TDP1: variants seen among roughly 807,000 people sequenced by gnomAD.
The protein encoded by TDP1 is tyr-DNA phosphodiesterase 1.
A neutral mutation model predicts 81.5 loss-of-function variants in TDP1; 64 were observed. The ratio of observed to expected loss-of-function variants is 0.79; its 90% CI spans 0.64 to 0.97. The LOEUF (loss-of-function observed/expected upper bound fraction) is 0.97, where lower values mean the gene tolerates loss of function less well. Among genes scored for constraint, TDP1 ranks in the 50% least tolerant of loss-of-function variants. The pLI, the probability that TDP1 is intolerant of heterozygous loss-of-function variation, is 0.00. For missense variants in TDP1, 723 were observed against 743.8 expected, an observed-to-expected ratio of 0.97 and a Z score of 0.33; for synonymous variants, 256 against 264.3, an observed-to-expected ratio of 0.97 and a Z score of 0.30.
intron 14 of TDP1, among the ~76,000 whole-genome samples, chr14:90,012,608 G>A (rs188517482): frequency 2.0e-4 from 31 of 152,136 alleles, no homozygotes; most frequent in African/African-American, 7.0e-4. Context: ...CTTCAGAGGT[G>A]TGCTGCAGGG....
At chr14:89,988,833 GTT>G in intron 10 of TDP1, 70 bp from the exon 11 acceptor site, 2 of 1,601,292 alleles carry the variant, frequency 1.2e-6, no homozygotes, top group Non-Finnish European at 1.7e-6. Flanking sequence ...GCAGAAAACT[GTT>G]TTCAAATATT....
In TDP1 at chr14:90,029,718, C is replaced by T. The variant is rs544691949; in HGVS notation, c.1645-3388C>T. On this transcript the variant is annotated intron_variant, in intron 15 of 16. Coordinates refer to ENST00000335725, the MANE Select transcript of TDP1 (RefSeq NM_018319.4). ...TTCACTATGTTGATCAGGCTGGTCT[C>T]GAACTCCTGACCTCAGGTGATCCAC... Among the ~76,000 whole-genome samples, 3 of 152,122 alleles carry T rather than the reference C, an allele frequency of 2.0e-5. No individual in the cohort carries two copies. The East Asian group carries it at 5.8e-4, about 29-fold the overall frequency.
At position 89,989,090 on chromosome 14, in the gene TDP1, G is replaced by T. The variant is rs138711165; in HGVS notation, c.1317G>T (p.Leu439Phe). 1.0e-4 allele frequency: 165 copies of T among 1,613,442 alleles called. No individual in the cohort carries two copies. The highest frequency in any genetic ancestry group is 6.4e-4 in the African/African-American group (48 of 75,010). The change falls in exon 11 of 17, where the codon TTG becomes TTT. Residue 439 changes from leucine (L) to phenylalanine (F), a missense_variant and splice_region_variant. Coordinates refer to ENST00000335725, the MANE Select transcript of TDP1 (RefSeq NM_018319.4). ...TPGKSSVPLYLIYPSVENVRT... is the reference protein window; with the variant it reads ...TPGKSSVPLYFIYPSVENVRT... ...GAAAAAGCTCTGTTCCTCTTTACTTGGTGAGTTCTCGTCCTCATTGAGGTA... is the reference window on the plus strand; with the variant it reads ...GAAAAAGCTCTGTTCCTCTTTACTTTGTGAGTTCTCGTCCTCATTGAGGTA...
chr14:90,017,288 C>T (rs1422983964), intron 14 of TDP1, among the ~76,000 whole-genome samples: 3 of 151,518 alleles, frequency 2.0e-5, no homozygotes, highest in African/African-American at 7.3e-5. Flanking sequence ...CCCCATCTTC[C>T]TGGCTGCCCC....
At chr14:89,977,577 C>T (rs1358053728) in intron 7 of TDP1, among the ~76,000 whole-genome samples, 5 of 152,210 alleles carry the variant, frequency 3.3e-5, no homozygotes, top group Non-Finnish European at 5.9e-5. Flanking sequence ...GGATTACAGG[C>T]GTGAGCCACC....
intron 14 of TDP1, among the ~76,000 whole-genome samples, chr14:90,003,298 C>G (rs1314970342): frequency 6.6e-6 from 1 of 152,158 alleles, no homozygotes; most frequent in East Asian, 1.9e-4. Context: ...GTACCGTCAG[C>G]CAGATTTATA....
At chr14:90,006,720 G>T (rs1350673653) in intron 14 of TDP1, among the ~76,000 whole-genome samples, 1 of 152,080 alleles carries the variant, frequency 6.6e-6, no homozygotes, top group East Asian at 1.9e-4. Context: ...TGTGTTTTTA[G>T]TAGAGATGGG....
At position 90,043,201 on chromosome 14, in the gene TDP1, T is replaced by C; in HGVS notation, c.*58T>C. The C allele has an allele frequency of 6.2e-7, 1 of 1,609,564 alleles. No individual in the cohort carries two copies. Among genetic ancestry groups the C allele is most frequent in the Non-Finnish European group, 8.5e-7 (1 of 1,176,358 alleles). ...GACATTGAGCCACAAACATGGAATC[T>C]CTTCTTTGTACTGGATGTCCACTTC... On this transcript the variant is annotated 3_prime_UTR_variant, in exon 17 of 17. Coordinates refer to ENST00000335725, the MANE Select transcript of TDP1 (RefSeq NM_018319.4).
intron 14 of TDP1, among the ~76,000 whole-genome samples, chr14:90,011,007 G>A (rs1279105367): frequency 6.6e-6 from 1 of 152,168 alleles, no homozygotes; most frequent in African/African-American, 2.4e-5. Flanking sequence ...CTGGTGGGAG[G>A]TAATTCAGTC....
chr14:90,012,519 G>A (rs1041304858), intron 14 of TDP1, among the ~76,000 whole-genome samples: 9 of 151,032 alleles, frequency 6.0e-5, no homozygotes, highest in African/African-American at 1.9e-4. Context: ...ACATCCAGGC[G>A]TTTCTATACA....
intron 10 of TDP1, among the ~76,000 whole-genome samples, chr14:89,985,653 A>G (rs530261265): frequency 6.6e-6 from 1 of 152,378 alleles, no homozygotes; most frequent in South Asian, 2.1e-4. Flanking sequence ...TGCTGCTGAT[A>G]TGAAAATGCA....
At chr14:89,964,025 C>T (rs1435568776) in intron 3 of TDP1, among the ~76,000 whole-genome samples, 2 of 152,180 alleles carry the variant, frequency 1.3e-5, no homozygotes, top group Non-Finnish European at 2.9e-5. Flanking sequence ...GGACCAGCAG[C>T]CTCAGCATCA....
At chr14:90,039,017 A>G (rs1043723336) in intron 16 of TDP1, among the ~76,000 whole-genome samples, 10 of 152,122 alleles carry the variant, frequency 6.6e-5, no homozygotes, top group African/African-American at 2.2e-4. Flanking sequence ...AAAGTAAACT[A>G]TGAGTTCAGC....
intron 14 of TDP1, among the ~76,000 whole-genome samples, chr14:89,996,386 C>T (rs2140149053): frequency 6.6e-6 from 1 of 152,360 alleles, no homozygotes; most frequent in East Asian, 1.9e-4. Context: ...ATCCAGCCAA[C>T]AGCCCATGTA....
chr14:89,960,858 A>T (rs992030562), intron 2 of TDP1, among the ~76,000 whole-genome samples: 1 of 152,196 alleles, frequency 6.6e-6, no homozygotes, highest in Non-Finnish European at 1.5e-5. Context: ...AGTATTTCCA[A>T]CCCTCCCCTG....
chr14:90,033,275 AG>A (rs1887493686), intron 16 of TDP1, 61 bp downstream of exon 16: 10 of 992,054 alleles, frequency 1.0e-5, no homozygotes, highest in Non-Finnish European at 1.6e-5. Context: ...AACAGAGCCC[AG>A]GAGAAGCCTT....
At chr14:89,955,067 A>G (rs912098992), upstream of TDP1, 2 of 197,848 alleles carry the variant, frequency 1.0e-5, no homozygotes, top group Middle Eastern at 2.0e-3. Context: ...GATCTATGAC[A>G]CTATGCTAAA....
Position 90,043,529 on chromosome 14 carries a change from A to G in TDP1, c.*386A>G, listed in dbSNP as rs1478145037. On this transcript the variant is annotated 3_prime_UTR_variant, in exon 17 of 17. Coordinates refer to ENST00000335725, the MANE Select transcript of TDP1 (RefSeq NM_018319.4). ...GGAATGGGACCCAAATCTAAACACA[A>G]AATTCATTTATGTTTCATATACACC... 3 of 324,070 alleles carry G rather than the reference A, an allele frequency of 9.3e-6. No homozygotes were observed. Among genetic ancestry groups the G allele is most frequent in the East Asian group, 7.6e-5 (1 of 13,230 alleles). 20.1% of individuals were successfully genotyped at this position (324,070 alleles called of 1,614,324 possible). A position where few individuals can be genotyped will look rare whatever the true frequency, so the allele number is the denominator to read the frequency against.
chr14:89,975,960 T>C (rs1443477825), intron 7 of TDP1, 145 bp downstream of exon 7: 3 of 744,736 alleles, frequency 4.0e-6, no homozygotes, highest in Non-Finnish European at 7.4e-6. Context: ...AGCTATTCTT[T>C]TATTTAATGC....
Sources: gnomAD v4.1 joint callset for allele counts (sites outside exome capture counted in the v4.1 genomes callset) on GRCh38, gnomAD v4.1.1 for gene constraint, MANE v1.5 for transcripts, NCBI Gene and HGNC (gene_info 2026-07-23, HGNC 2026-07-21) for gene names.